The following ST3GAL4 variants were observed in gnomAD, a reference collection of about 807,000 sequenced individuals.
The protein encoded by ST3GAL4 is ST3 beta-galactoside alpha-2,3-sialyltransferase 4.
Under a neutral mutation model 42.6 loss-of-function variants are expected in ST3GAL4, and 24 were observed. The ratio of observed to expected loss-of-function variants is 0.56; its 90% CI spans 0.41 to 0.79. The LOEUF (loss-of-function observed/expected upper bound fraction) is 0.79. Ranked by LOEUF, ST3GAL4 falls within the 30% of genes least tolerant of loss-of-function variation. The pLI, the probability that ST3GAL4 is intolerant of heterozygous loss-of-function variation, is 0.00. For missense variants in ST3GAL4, 311 were observed against 430.8 expected, an observed-to-expected ratio of 0.72 and a Z score of 2.46; for synonymous variants, 135 against 163.2, an observed-to-expected ratio of 0.83 and a Z score of 1.32.
In ST3GAL4 at chr11:126,383,426, G is replaced by GAGCAGC. The variant is rs371300179; in HGVS notation, c.-60-22657_-60-22652dup. ...GAACCCACTGGGCCTGAGGGAGGTA[G>GAGCAGC]AGCAGCAGCAGCAGCAGCTGAGCCC... On this transcript the variant is annotated intron_variant, in intron 1 of 10. Coordinates refer to ENST00000444328, the MANE Select transcript of ST3GAL4 (RefSeq NM_001254757.2). The surrounding 1 kb of genome is among the most constrained non-coding windows in gnomAD (Gnocchi z 4.5). 3.4e-3 allele frequency among the ~76,000 whole-genome samples: 515 copies of GAGCAGC among 152,228 alleles called. 20 individuals carry two copies. In the East Asian group the frequency reaches 0.084, roughly 25 times the overall value.
chr11:126,408,558 C>A lies in ST3GAL4; in HGVS notation c.627+62C>A, dbSNP rs951145861. 36 of 1,572,026 alleles carry A rather than the reference C, an allele frequency of 2.3e-5. No individual in the cohort carries two copies. In the African/African-American group the frequency reaches 3.4e-4, roughly 15 times the overall value. Reference sequence around the variant, plus strand: ...GGTGGGGACGCTGCCCGAGTCAGGACCTCACGCTCCTTGATGTCCGCCTGG... The same window carrying A: ...GGTGGGGACGCTGCCCGAGTCAGGAACTCACGCTCCTTGATGTCCGCCTGG... On this transcript the variant is annotated intron_variant, in intron 8 of 10. Coordinates refer to ENST00000444328, the MANE Select transcript of ST3GAL4 (RefSeq NM_001254757.2).
chr11:126,407,495 G>A, intron 5 of ST3GAL4, 79 bp from the exon 6 acceptor site: 1 of 1,579,846 alleles, frequency 6.3e-7, no homozygotes, highest in Non-Finnish European at 8.7e-7. Flanking sequence ...CCAGCGCTCT[G>A]AGGAGCAGTG....
At chr11:126,372,081 ACCG>A (rs1405765333) in intron 1 of ST3GAL4, among the ~76,000 whole-genome samples, 1 of 152,172 alleles carries the variant, frequency 6.6e-6, no homozygotes, top group African/African-American at 2.4e-5. Flanking sequence ...TGACCTGTTG[ACCG>A]TCTTAACCCT....
Position 126,406,151 on chromosome 11 carries a change from G to C in ST3GAL4, c.-5G>C, listed in dbSNP as rs1228215463. 6.4e-7 allele frequency: 1 copy of C among 1,555,436 alleles called. No individual in the cohort carries two copies. The highest frequency in any genetic ancestry group is 1.9e-5 in the Admixed American group (1 of 51,684). On this transcript the variant is annotated 5_prime_UTR_variant, in exon 2 of 11. Coordinates refer to ENST00000444328, the MANE Select transcript of ST3GAL4 (RefSeq NM_001254757.2). This position sits in a 1 kb window ranked among gnomAD's most constrained non-coding sequence, Gnocchi z 5.4. ...CCCCAGGAATCCTGCTGCCTGCTGA[G>C]AAACATGGTCAGCAAGTCCCGTGAG...
chr11:126,385,752 CTG>C (rs1382528790), intron 1 of ST3GAL4, among the ~76,000 whole-genome samples: 2 of 151,858 alleles, frequency 1.3e-5, no homozygotes, highest in Non-Finnish European at 2.9e-5. Flanking sequence ...TGGCTCACGC[CTG>C]TAATTTCAGC....
At position 126,363,634 on chromosome 11, in the gene ST3GAL4, C is replaced by G. The variant is rs1952325612; in HGVS notation, c.-61+7792C>G. On this transcript the variant is annotated intron_variant, in intron 1 of 10. Coordinates refer to ENST00000444328, the MANE Select transcript of ST3GAL4 (RefSeq NM_001254757.2). The surrounding 1 kb of genome is among the most constrained non-coding windows in gnomAD (Gnocchi z 4.6). ...AGCCCTCATGCAACTCTTTGGACAT[C>G]TTCCTGCAAAGGACGGTGGGATCTT... Among the ~76,000 whole-genome samples, 1 of 152,234 alleles carries G rather than the reference C, an allele frequency of 6.6e-6. No homozygotes were observed. Among genetic ancestry groups the G allele is most frequent in the Non-Finnish European group, 1.5e-5 (1 of 68,046 alleles).
chr11:126,388,239 G>A (rs1953305715), intron 1 of ST3GAL4, among the ~76,000 whole-genome samples: 1 of 152,244 alleles, frequency 6.6e-6, no homozygotes, highest in African/African-American at 2.4e-5. Context: ...GCTGGAATTT[G>A]TAGATGTAGA....
chr11:126,398,489 T>C lies in ST3GAL4; in HGVS notation c.-60-7607T>C, dbSNP rs553874777. On this transcript the variant is annotated intron_variant, in intron 1 of 10. Transcript: ENST00000444328. The surrounding 1 kb of genome is among the most constrained non-coding windows in gnomAD (Gnocchi z 4.7). Reference sequence around the variant, plus strand: ...GCAGCTCTCACCGGTTGGAGTCTCATGCTTGCAGCTCCCCCAGGTTGCTGT... The same window carrying C: ...GCAGCTCTCACCGGTTGGAGTCTCACGCTTGCAGCTCCCCCAGGTTGCTGT... Among the ~76,000 whole-genome samples, 90 of 152,334 alleles carry C rather than the reference T, an allele frequency of 5.9e-4. No homozygotes were observed. Among genetic ancestry groups the C allele is most frequent in the Non-Finnish European group, 1.1e-3 (76 of 68,018 alleles).
At chr11:126,367,185 A>G (rs771893490) in intron 1 of ST3GAL4, among the ~76,000 whole-genome samples, 9 of 151,832 alleles carry the variant, frequency 5.9e-5, no homozygotes, top group South Asian at 2.1e-4. Context: ...CCTGGCACCA[A>G]CTCCAGGAGG....
At position 126,407,542 on chromosome 11, in the gene ST3GAL4, A is replaced by G. The variant is rs757304566; in HGVS notation, c.281-32A>G. 2.4e-5 allele frequency: 38 copies of G among 1,613,650 alleles called. No homozygotes were observed. The South Asian group carries it at 4.0e-4, about 17-fold the overall frequency. On this transcript the variant is annotated intron_variant, in intron 5 of 10. Transcript: ENST00000444328. ...GGCAGCCTTCAGAATGCTATCTGTC[A>G]CATCAGTCCCTCCGCCTGGTACTTT...
At chr11:126,395,632 C>T (rs1953714541) in intron 1 of ST3GAL4, among the ~76,000 whole-genome samples, 1 of 151,998 alleles carries the variant, frequency 6.6e-6, no homozygotes, top group Non-Finnish European at 1.5e-5. Context: ...GGTGTTCTCC[C>T]CCAAGTTGTT....
In ST3GAL4 at chr11:126,400,312, C is replaced by A. The variant is rs1219640053; in HGVS notation, c.-60-5784C>A. Among the ~76,000 whole-genome samples, 1 of 152,182 alleles carries A rather than the reference C, an allele frequency of 6.6e-6. No individual in the cohort carries two copies. The highest frequency in any genetic ancestry group is 2.4e-5 in the African/African-American group (1 of 41,442). Reference sequence around the variant, plus strand: ...ACCTAACTGGCCTTTTATAAGGAACCCAGTTCCACAGTAATGGCATTAACC... The same window carrying A: ...ACCTAACTGGCCTTTTATAAGGAACACAGTTCCACAGTAATGGCATTAACC... On this transcript the variant is annotated intron_variant, in intron 1 of 10. Transcript: ENST00000444328. This position sits in a 1 kb window ranked among gnomAD's most constrained non-coding sequence, Gnocchi z 4.6.
chr11:126,390,926 A>G (rs978428580), intron 1 of ST3GAL4, among the ~76,000 whole-genome samples: 2 of 152,192 alleles, frequency 1.3e-5, no homozygotes, highest in Admixed American at 6.5e-5. Flanking sequence ...TCTATTCTAA[A>G]TGGAATGATA....
In ST3GAL4 at chr11:126,410,372, C is replaced by T. The variant is rs981623750; in HGVS notation, c.771+961C>T. ...ATATCTTGGAGCCCCTCGGGGAGGC[C>T]GTGTGGGATGGTGAGAGACAGGCAC... is the stretch of plus-strand genomic sequence containing the variant. On this transcript the variant is annotated intron_variant, in intron 9 of 10. Coordinates refer to ENST00000444328, the MANE Select transcript of ST3GAL4 (RefSeq NM_001254757.2). This position sits in a 1 kb window ranked among gnomAD's most constrained non-coding sequence, Gnocchi z 5.3. Among the ~76,000 whole-genome samples, 1 of 152,112 alleles carries T rather than the reference C, an allele frequency of 6.6e-6. No individual in the cohort carries two copies. Among genetic ancestry groups the T allele is most frequent in the Non-Finnish European group, 1.5e-5 (1 of 68,032 alleles).
At position 126,373,432 on chromosome 11, in the gene ST3GAL4, C is replaced by A. The variant is rs1282204793; in HGVS notation, c.-61+17590C>A. 6.6e-6 allele frequency among the ~76,000 whole-genome samples: 1 copy of A among 152,206 alleles called. No individual in the cohort carries two copies. The highest frequency in any genetic ancestry group is 2.4e-5 in the African/African-American group (1 of 41,458). ...GGCCCAGGCTGCACTCTTGATTCCA[C>A]CTCCTCACACTGGCTTCAGCTTTCT... On this transcript the variant is annotated intron_variant, in intron 1 of 10. Transcript: ENST00000444328. This position sits in a 1 kb window ranked among gnomAD's most constrained non-coding sequence, Gnocchi z 5.5.
At chr11:126,385,554 C>T (rs1235801232) in intron 1 of ST3GAL4, among the ~76,000 whole-genome samples, 1 of 152,152 alleles carries the variant, frequency 6.6e-6, no homozygotes, top group Non-Finnish European at 1.5e-5. Context: ...AATCCTGGTT[C>T]CACTATTTTC....
intron 1 of ST3GAL4, among the ~76,000 whole-genome samples, chr11:126,402,091 A>AGGGGCG (rs146212978): frequency 7.6e-6 from 1 of 131,674 alleles, no homozygotes; most frequent in Non-Finnish European, 1.6e-5. Context: ...ATTTGGGGGA[A>AGGGGCG]AGAGGGGAGG....
Position 126,409,231 on chromosome 11 carries a change from C to G in ST3GAL4, c.628-37C>G. ...TTGGATTTGAGAAACAGGGCTTCAC[C>G]CGCTTCTGTCTCTCTCTTCTGACCC... is the stretch of plus-strand genomic sequence containing the variant. On this transcript the variant is annotated intron_variant, in intron 8 of 10. Coordinates refer to ENST00000444328, the MANE Select transcript of ST3GAL4 (RefSeq NM_001254757.2). The surrounding 1 kb of genome is among the most constrained non-coding windows in gnomAD (Gnocchi z 4.9). 6.2e-7 allele frequency: 1 copy of G among 1,606,320 alleles called. No homozygotes were observed. Among genetic ancestry groups the G allele is most frequent in the Non-Finnish European group, 8.5e-7 (1 of 1,173,536 alleles).
At position 126,398,060 on chromosome 11, in the gene ST3GAL4, A is replaced by G. The variant is rs1953851281; in HGVS notation, c.-60-8036A>G. Among the ~76,000 whole-genome samples, 1 of 152,212 alleles carries G rather than the reference A, an allele frequency of 6.6e-6. No homozygotes were observed. The highest frequency in any genetic ancestry group is 2.4e-5 in the African/African-American group (1 of 41,452). On this transcript the variant is annotated intron_variant, in intron 1 of 10. Coordinates refer to ENST00000444328, the MANE Select transcript of ST3GAL4 (RefSeq NM_001254757.2). This position sits in a 1 kb window ranked among gnomAD's most constrained non-coding sequence, Gnocchi z 4.7. ...TGTAGAATACATTTGCTTCTTACCT[A>G]TAATCCCAAATTCTTATTTGTTTCA...
Sources: gnomAD v4.1 joint callset for allele counts (sites outside exome capture counted in the v4.1 genomes callset) on GRCh38, gnomAD v4.1.1 for gene constraint, Gnocchi (gnomAD v3.1) non-coding constraint, MANE v1.5 for transcripts, NCBI Gene and HGNC (gene_info 2026-07-23, HGNC 2026-07-21) for gene names.